Variants in PHLPP1 observed in about 807,000 individuals in gnomAD.
PHLPP1 encodes PH domain and leucine rich repeat protein phosphatase 1.
Under a neutral mutation model 117.2 loss-of-function variants are expected in PHLPP1, and 42 were observed. The observed-to-expected ratio is 0.36, with a 90% CI of 0.28 to 0.46. The LOEUF (loss-of-function observed/expected upper bound fraction) is 0.46. PHLPP1 is among the 20% of genes least tolerant of loss of function. The pLI is 1.00. For missense variants in PHLPP1, 2,084 were observed against 2,241.9 expected (o/e 0.93, Z 1.42); for synonymous variants, 1,042 against 970.7 (o/e 1.07, Z -1.37).
intron 1 of PHLPP1, among the ~76,000 whole-genome samples, chr18:62,725,132 GCA>G (rs1351637962): frequency 1.2e-4 from 19 of 152,218 alleles, no homozygotes; most frequent in Non-Finnish European, 1.3e-4. Context: ...GCTGAGTCGG[GCA>G]GATCACCTGA....
chr18:62,790,311 C>A (rs185241370), intron 1 of PHLPP1, among the ~76,000 whole-genome samples: 80 of 152,286 alleles, frequency 5.3e-4, no homozygotes, highest in African/African-American at 1.9e-3. Context: ...AAGTAGCATT[C>A]ATAAAGTAGG....
chr18:62,902,571 A>C (rs1916750634), intron 6 of PHLPP1, among the ~76,000 whole-genome samples: 1 of 151,894 alleles, frequency 6.6e-6, no homozygotes. Context: ...AGTTGTTCTG[A>C]GTTTTGTTTC....
intron 16 of PHLPP1, among the ~76,000 whole-genome samples, chr18:62,977,453 A>C (rs73963652): frequency 0.047 from 5,537 of 116,690 alleles, 317 homozygotes; most frequent in African/African-American, 0.17. Flanking sequence ...AAAAAAAAAA[A>C]CCCAGGTCTT....
chr18:62,945,238 C>T lies in PHLPP1; in HGVS notation c.3291C>T (p.Val1097=), dbSNP rs1349460971. 2 of 1,608,166 alleles carry T rather than the reference C, an allele frequency of 1.2e-6. No individual in the cohort carries two copies. The highest frequency in any genetic ancestry group is 1.7e-6 in the Non-Finnish European group (2 of 1,178,056). Residue 1097 remains valine, a synonymous_variant, in exon 12 of 17, where the codon GTC becomes GTT. Coordinates refer to ENST00000262719, the MANE Select transcript of PHLPP1 (RefSeq NM_194449.4). ...TTGCTCACTCCAACTGCATCGAGGT[C>T]TTTCCCGAAGTTATGCAGCTCCCAG... is the stretch of plus-strand genomic sequence containing the variant. The part of the protein sequence containing the change: ...TVIAHSNCIE[V]FPEVMQLPEI...
At chr18:62,833,707 GTTAC>G (rs1914814188) in intron 2 of PHLPP1, among the ~76,000 whole-genome samples, 1 of 152,096 alleles carries the variant, frequency 6.6e-6, no homozygotes, top group Admixed American at 6.6e-5. Context: ...AAGATTACAT[GTTAC>G]TTATGTGGTT....
At chr18:62,901,768 C>T (rs541964704) in intron 6 of PHLPP1, among the ~76,000 whole-genome samples, 27 of 151,904 alleles carry the variant, frequency 1.8e-4, no homozygotes, top group African/African-American at 5.8e-4. Context: ...GGATTACAGG[C>T]GTGTGCCACC....
chr18:62,872,401 G>C (rs574677923), intron 4 of PHLPP1, among the ~76,000 whole-genome samples: 3 of 152,150 alleles, frequency 2.0e-5, no homozygotes, highest in South Asian at 4.2e-4. Context: ...TTCAAGAAGG[G>C]GAGGTCAGAG....
chr18:62,970,407 C>T (rs1377405176), intron 14 of PHLPP1, among the ~76,000 whole-genome samples: 6 of 152,184 alleles, frequency 3.9e-5, no homozygotes, highest in Non-Finnish European at 8.8e-5. Flanking sequence ...TGTTGCCTCC[C>T]AATACCCATT....
rs150196687 is a variant in PHLPP1, at chr18:62,749,070, C to G, written c.1576+31811C>G. ...AAACAAAGACCTTAGAATACTTCAA[C>G]TCTGATAACTCGTCTTCATTTGTAG... is the stretch of plus-strand genomic sequence containing the variant. On this transcript the variant is annotated intron_variant, in intron 1 of 16. Coordinates refer to ENST00000262719, the MANE Select transcript of PHLPP1 (RefSeq NM_194449.4). 2.9e-3 allele frequency among the ~76,000 whole-genome samples: 436 copies of G among 152,230 alleles called. 2 individuals are homozygous for G. Among genetic ancestry groups the G allele is most frequent in the Non-Finnish European group, 4.0e-3 (269 of 68,006 alleles).
At chr18:62,788,469 G>A (rs143775218) in intron 1 of PHLPP1, among the ~76,000 whole-genome samples, 2 of 152,278 alleles carry the variant, frequency 1.3e-5, no homozygotes, top group East Asian at 3.9e-4. Flanking sequence ...GGCAAAAGGT[G>A]AAAGGTTTTT....
intron 1 of PHLPP1, among the ~76,000 whole-genome samples, chr18:62,739,452 T>G (rs897661385): frequency 6.6e-6 from 1 of 152,010 alleles, no homozygotes; most frequent in Non-Finnish European, 1.5e-5. Flanking sequence ...TTGATTTGGG[T>G]TTTAGTTTTC....
At chr18:62,913,202 A>T (rs575126209) in intron 8 of PHLPP1, among the ~76,000 whole-genome samples, 3 of 152,120 alleles carry the variant, frequency 2.0e-5, no homozygotes, top group African/African-American at 7.2e-5. Flanking sequence ...AAGTTATTTT[A>T]TCACTTACAG....
At chr18:62,821,865 C>A (rs75137839) in intron 1 of PHLPP1, among the ~76,000 whole-genome samples, 2,321 of 151,988 alleles carry the variant, frequency 0.015, 61 homozygotes, top group African/African-American at 0.053. Flanking sequence ...AATTCTCCCA[C>A]CTCCTACTCA....
chr18:62,774,499 T>G (rs892974219), intron 1 of PHLPP1, among the ~76,000 whole-genome samples: 1 of 152,256 alleles, frequency 6.6e-6, no homozygotes, highest in African/African-American at 2.4e-5. Flanking sequence ...GGTTTTGACA[T>G]AGAGGTCATT....
rs146419336 is a variant in PHLPP1, at chr18:62,903,967, C to T, written c.2647+801C>T. ...CTAAGATGAAGGTTTCCATTCCCTA[C>T]AGTCAGTAAACTGAATGAAAACAAG... is the stretch of plus-strand genomic sequence containing the variant. On this transcript the variant is annotated intron_variant, in intron 7 of 16. Coordinates refer to ENST00000262719, the MANE Select transcript of PHLPP1 (RefSeq NM_194449.4). Among the ~76,000 whole-genome samples, 32 of 152,276 alleles carry T rather than the reference C, an allele frequency of 2.1e-4. No individual in the cohort carries two copies. In the East Asian group the frequency reaches 4.8e-3, roughly 23 times the overall value.
intron 14 of PHLPP1, 109 bp from the exon 15 acceptor site, chr18:62,972,405 C>A: frequency 1.0e-6 from 1 of 956,020 alleles, no homozygotes; most frequent in Non-Finnish European, 1.6e-6. Context: ...TGTCTGGAGT[C>A]ATGAAGAAAG....
chr18:62,952,341 A>G (rs1910487379), intron 12 of PHLPP1, among the ~76,000 whole-genome samples: 1 of 152,216 alleles, frequency 6.6e-6, no homozygotes, highest in Non-Finnish European at 1.5e-5. Context: ...CAAAATTTGC[A>G]GATAACTTAG....
chr18:62,784,590 G>C (rs1335683839), intron 1 of PHLPP1, among the ~76,000 whole-genome samples: 1 of 152,222 alleles, frequency 6.6e-6, no homozygotes, highest in African/African-American at 2.4e-5. Context: ...ACATTTGTCT[G>C]TGTGCTGAAG....
chr18:62,768,220 T>G (rs1333711533), intron 1 of PHLPP1, among the ~76,000 whole-genome samples: 1 of 152,214 alleles, frequency 6.6e-6, no homozygotes, highest in Non-Finnish European at 1.5e-5. Context: ...AAATTTCAGC[T>G]GCTATGATTA....
Sources: allele counts gnomAD v4.1 joint callset (sites outside exome capture counted in the v4.1 genomes callset), GRCh38; gene constraint gnomAD v4.1.1; transcripts MANE v1.5; gene names NCBI Gene and HGNC (gene_info 2026-07-23, HGNC 2026-07-21).